Variants in HP1BP3 observed in about 807,000 individuals in gnomAD.
The protein encoded by HP1BP3 is heterochromatin protein 1 binding protein 3.
A neutral mutation model predicts 62.5 loss-of-function variants in HP1BP3; 12 were observed. The observed-to-expected ratio is 0.19, with a 90% CI of 0.12 to 0.31. HP1BP3 has a LOEUF of 0.31. Among genes scored for constraint, HP1BP3 ranks in the 10% least tolerant of loss-of-function variants. The probability of loss-of-function intolerance (pLI) is 1.00; values close to 1 mark genes in which losing one functional copy is unlikely to be tolerated. For synonymous variants in HP1BP3, 260 were observed against 237.8 expected (o/e 1.09, Z -0.86); for missense variants, 502 against 651.8 (o/e 0.77, Z 2.50).
At chr1:20,769,289 G>A (rs959119323) in intron 6 of HP1BP3, among the ~76,000 whole-genome samples, 1 of 152,130 alleles carries the variant, frequency 6.6e-6, no homozygotes, top group Non-Finnish European at 1.5e-5. Context: ...TGGGCATGGT[G>A]GCTCACGTCT....
At chr1:20,776,519 A>T (rs1360273295) in intron 4 of HP1BP3, 78 bp downstream of exon 4, 1 of 1,296,436 alleles carries the variant, frequency 7.7e-7, no homozygotes, top group Admixed American at 2.2e-5. Flanking sequence ...CCAATGTTAT[A>T]ACACTTTAAA....
intron 11 of HP1BP3, among the ~76,000 whole-genome samples, chr1:20,746,263 TG>T (rs1457379260): frequency 6.6e-6 from 1 of 150,790 alleles, no homozygotes; most frequent in African/African-American, 2.5e-5. Flanking sequence ...CTTGCTATGC[TG>T]CCCAGGCTGG....
At chr1:20,748,105 A>T (rs2055456432) in intron 10 of HP1BP3, among the ~76,000 whole-genome samples, 1 of 152,026 alleles carries the variant, frequency 6.6e-6, no homozygotes, top group Non-Finnish European at 1.5e-5. Context: ...TGGTTAAGTG[A>T]CTTGAGCTCA....
intron 8 of HP1BP3, among the ~76,000 whole-genome samples, chr1:20,764,975 C>T (rs1370287049): frequency 1.3e-5 from 2 of 151,698 alleles, no homozygotes; most frequent in African/African-American, 4.8e-5. Context: ...TCGAGACCAG[C>T]CTGGCCAACA....
intron 1 of HP1BP3, among the ~76,000 whole-genome samples, chr1:20,781,788 A>C (rs1323907918): frequency 2.0e-5 from 3 of 152,062 alleles, no homozygotes; most frequent in African/African-American, 7.2e-5. Context: ...CACCATGCCC[A>C]GCTAATTTTG....
At chr1:20,786,412 AGCG>A (rs879448384) in intron 1 of HP1BP3, 3,039 of 152,448 alleles carry the variant, frequency 0.02, 27 homozygotes, top group Non-Finnish European at 0.024. Context: ...CGGCAAGAGC[AGCG>A]GAGACAAAGC....
intron 1 of HP1BP3, among the ~76,000 whole-genome samples, chr1:20,783,074 G>A (rs1050505737): frequency 2.6e-4 from 40 of 151,822 alleles, no homozygotes; most frequent in Non-Finnish European, 4.9e-4. Context: ...ATTGCACCAC[G>A]GCACTCCAGT....
At chr1:20,762,761 C>T (rs2056558157) in intron 8 of HP1BP3, among the ~76,000 whole-genome samples, 1 of 152,084 alleles carries the variant, frequency 6.6e-6, no homozygotes, top group Admixed American at 6.6e-5. Context: ...TCATGTTTCC[C>T]TAAAATGTGT....
At position 20,749,716 on chromosome 1, in the gene HP1BP3, G is replaced by A. The variant is rs1161477402; in HGVS notation, c.1141+7C>T. ...ATCCCAGTTAAATATACACAACCGA[G>A]TCTTACTTTGATAGTTAGAATTGGT... On this transcript the variant is annotated splice_region_variant and intron_variant, in intron 10 of 12. Transcript: ENST00000438032. 1 of 1,606,668 alleles carries A rather than the reference G, an allele frequency of 6.2e-7. No homozygotes were observed. Among genetic ancestry groups the A allele is most frequent in the Admixed American group, 1.7e-5 (1 of 58,272 alleles).
intron 9 of HP1BP3, 118 bp from the exon 10 acceptor site, chr1:20,750,000 C>T (rs2154539699): frequency 6.8e-7 from 1 of 1,470,834 alleles, no homozygotes; most frequent in Middle Eastern, 1.9e-4. Context: ...ATATGTTTTA[C>T]AATAAATTGT....
chr1:20,747,784 CTA>C (rs1256507592), intron 10 of HP1BP3, 129 bp from the exon 11 acceptor site: 7 of 623,534 alleles, frequency 1.1e-5, no homozygotes, highest in African/African-American at 1.9e-5. Context: ...TAAGTGAATC[CTA>C]TGTGTTCAAA....
chr1:20,786,614 G>C (rs1254382090), intron 1 of HP1BP3: 1 of 152,302 alleles, frequency 6.6e-6, no homozygotes, highest in Non-Finnish European at 1.5e-5. Flanking sequence ...CGGAAGCAGC[G>C]GCGGAACGCG....
At chr1:20,747,368 G>A (rs2055404333) in intron 11 of HP1BP3, among the ~76,000 whole-genome samples, 176 bp downstream of exon 11, 2 of 151,976 alleles carry the variant, frequency 1.3e-5, no homozygotes, top group Admixed American at 6.6e-5. Flanking sequence ...GATTCCACAG[G>A]GCTGAGTACA....
At position 20,744,035 on chromosome 1, in the gene HP1BP3, C is replaced by T. The variant is rs1481294954; in HGVS notation, c.*762G>A. 6.6e-6 allele frequency: 1 copy of T among 152,182 alleles called. No homozygotes were observed. Among genetic ancestry groups the T allele is most frequent in the Non-Finnish European group, 1.5e-5 (1 of 68,056 alleles). 9.4% of individuals were successfully genotyped at this position (152,182 alleles called of 1,614,324 possible). Reference sequence around the variant, plus strand: ...AGTGAGCTGAGATTGCACCACTGCACTCCGGGGCACCTGAGCAAGACTCCG... The same window carrying T: ...AGTGAGCTGAGATTGCACCACTGCATTCCGGGGCACCTGAGCAAGACTCCG... On this transcript the variant is annotated 3_prime_UTR_variant, in exon 13 of 13. Transcript: ENST00000438032.
chr1:20,782,908 G>GAA (rs1056907677), intron 1 of HP1BP3, among the ~76,000 whole-genome samples: 22 of 119,916 alleles, frequency 1.8e-4, no homozygotes, highest in African/African-American at 5.9e-4. Flanking sequence ...TCAAAAAAAA[G>GAA]AAAAAAAAAA....
chr1:20,773,619 C>A lies in HP1BP3; in HGVS notation c.351-9G>T. Reference sequence around the variant, plus strand: ...TAGACTGATCTTTCTCACTTTAAAACAAAGAATTGTTATTATAGAAGATAA... The same window carrying A: ...TAGACTGATCTTTCTCACTTTAAAAAAAAGAATTGTTATTATAGAAGATAA... On this transcript the variant is annotated splice_polypyrimidine_tract_variant and intron_variant, in intron 4 of 12. Coordinates refer to ENST00000438032, the MANE Select transcript of HP1BP3 (RefSeq NM_001372052.1). 6.4e-7 allele frequency: 1 copy of A among 1,560,724 alleles called. No homozygotes were observed. Among genetic ancestry groups the A allele is most frequent in the Non-Finnish European group, 8.7e-7 (1 of 1,146,812 alleles).
At chr1:20,766,169 C>T (rs890020733) in intron 7 of HP1BP3, among the ~76,000 whole-genome samples, 3 of 152,002 alleles carry the variant, frequency 2.0e-5, no homozygotes, top group African/African-American at 7.3e-5. Context: ...CATGCACCTG[C>T]AATCTCATTT....
Position 20,744,066 on chromosome 1 carries a change from A to AAAC in HP1BP3, c.*728_*730dup, listed in dbSNP as rs1029017068. 6.6e-6 allele frequency: 1 copy of AAAC among 152,250 alleles called. No individual in the cohort carries two copies. Among genetic ancestry groups the AAAC allele is most frequent in the Non-Finnish European group, 1.5e-5 (1 of 68,064 alleles). 9.4% of individuals were successfully genotyped at this position (152,250 alleles called of 1,614,324 possible). ...GGCACCTGAGCAAGACTCCGTCTCA[A>AAAC]AACAACGACGACAACAACAACAACA... On this transcript the variant is annotated 3_prime_UTR_variant, in exon 13 of 13. Transcript: ENST00000438032.
At chr1:20,773,768 C>A (rs2057167881) in intron 4 of HP1BP3, 158 bp from the exon 5 acceptor site, 1 of 469,254 alleles carries the variant, frequency 2.1e-6, no homozygotes. Context: ...CAAAATAAAT[C>A]TTCTTTAAAA....
Sources: allele counts gnomAD v4.1 joint callset (sites outside exome capture counted in the v4.1 genomes callset), GRCh38; gene constraint gnomAD v4.1.1; transcripts MANE v1.5; gene names NCBI Gene and HGNC (gene_info 2026-07-23, HGNC 2026-07-21).